The following ST14 variants were observed in gnomAD, a reference collection of about 807,000 sequenced individuals.
ST14 encodes the protein suppressor of tumorigenicity 14 protein.
Under a neutral mutation model 96.5 loss-of-function variants are expected in ST14, and 40 were observed. That is an observed-to-expected ratio of 0.41 (90% confidence interval 0.32 to 0.54). The LOEUF is 0.54. Ranked by LOEUF, ST14 falls within the 20% of genes least tolerant of loss-of-function variation. The probability of loss-of-function intolerance (pLI) is 0.17; values close to 1 mark genes in which losing one functional copy is unlikely to be tolerated. For missense variants in ST14, 1,066 were observed against 1,188.9 expected, an observed-to-expected ratio of 0.90 and a Z score of 1.52; for synonymous variants, 506 against 492.1, an observed-to-expected ratio of 1.03 and a Z score of -0.37.
At chr11:130,193,562 C>T (rs1367997611) in intron 7 of ST14, among the ~76,000 whole-genome samples, 6 of 151,966 alleles carry the variant, frequency 3.9e-5, no homozygotes, top group African/African-American at 9.7e-5. Context: ...CTCCGCCTCC[C>T]GGGTTCCGGT....
chr11:130,192,132 C>T (rs922811821), intron 7 of ST14, among the ~76,000 whole-genome samples: 6 of 152,216 alleles, frequency 3.9e-5, no homozygotes, highest in African/African-American at 7.2e-5. Flanking sequence ...CTCCTGCACT[C>T]GCTGGGCCAG....
Position 130,209,929 on chromosome 11 carries a change from C to G in ST14, c.*106C>G. On this transcript the variant is annotated 3_prime_UTR_variant, in exon 19 of 19. Coordinates refer to ENST00000278742, the MANE Select transcript of ST14 (RefSeq NM_021978.4). ...GGACCGCTGACTGCACCAGCGCCCC[C>G]AGAACATACACTGTGAACTCAATCT... 5 of 1,364,482 alleles carry G rather than the reference C, an allele frequency of 3.7e-6. No individual in the cohort carries two copies. The South Asian group carries it at 3.7e-5, about 10-fold the overall frequency. The allele number at this position is 1,364,482 out of a possible 1,614,324, so 84.5% of individuals were successfully genotyped here. A position where few individuals can be genotyped will look rare whatever the true frequency, so the allele number is the denominator to read the frequency against.
chr11:130,191,657 T>C (rs953920647), intron 7 of ST14, among the ~76,000 whole-genome samples: 5 of 127,688 alleles, frequency 3.9e-5, no homozygotes, highest in African/African-American at 1.6e-4. Flanking sequence ...ACCACTACAC[T>C]CCAGCCTGGG....
chr11:130,194,807 T>G (rs1358199842), intron 9 of ST14, 70 bp downstream of exon 9: 1 of 1,434,476 alleles, frequency 7.0e-7, no homozygotes, highest in Admixed American at 1.7e-5. Flanking sequence ...TGTCTCCCTG[T>G]GCAGATGTGT....
In ST14 at chr11:130,194,715, T is replaced by C; in HGVS notation, c.1091T>C (p.Ile364Thr). ...TACCCAGGCCACTACCCACCCAACA[T>C]TGACTGCACATGGAACATTGAGGTA... ...PYYPGHYPPN[I>T]DCTWNIEVPN... The change falls in exon 9 of 19, where the codon ATT (isoleucine) becomes ACT (threonine). Residue 364 changes from isoleucine (I) to threonine (T), a missense_variant. By Grantham distance (89) the Ile-to-Thr change is moderately conservative. Coordinates refer to ENST00000278742, the MANE Select transcript of ST14 (RefSeq NM_021978.4). 2 of 1,614,072 alleles carry C rather than the reference T, an allele frequency of 1.2e-6. No individual in the cohort carries two copies. Among genetic ancestry groups the C allele is most frequent in the South Asian group, 1.1e-5 (1 of 91,068 alleles).
chr11:130,190,782 TA>T, intron 7 of ST14, 88 bp downstream of exon 7: 1 of 1,453,490 alleles, frequency 6.9e-7, no homozygotes, highest in East Asian at 2.5e-5. Flanking sequence ...GGATACAGTT[TA>T]TGACTCTTGG....
intron 16 of ST14, among the ~76,000 whole-genome samples, chr11:130,203,899 C>T (rs1216369083): frequency 6.6e-6 from 1 of 152,226 alleles, no homozygotes; most frequent in Non-Finnish European, 1.5e-5. Flanking sequence ...GGTGATCTGC[C>T]TGCCTTGGCC....
At chr11:130,190,937 AGCCTGTGCG>A (rs1953291494) in intron 7 of ST14, among the ~76,000 whole-genome samples, 1 of 152,256 alleles carries the variant, frequency 6.6e-6, no homozygotes, top group African/African-American at 2.4e-5. Context: ...TACCAAATCC[AGCCTGTGCG>A]GCCTGTGCCC....
chr11:130,199,436 A>G (rs1953405161), intron 15 of ST14, among the ~76,000 whole-genome samples: 1 of 152,180 alleles, frequency 6.6e-6, no homozygotes, highest in Non-Finnish European at 1.5e-5. Flanking sequence ...CTGCCTGCCC[A>G]TACTTTAATC....
At chr11:130,182,611 T>C (rs1953203256) in intron 1 of ST14, among the ~76,000 whole-genome samples, 1 of 151,512 alleles carries the variant, frequency 6.6e-6, no homozygotes, top group Non-Finnish European at 1.5e-5. Flanking sequence ...CCTTTCACAG[T>C]GCAAGTGTGA....
At chr11:130,170,546 G>A (rs774334430) in intron 1 of ST14, among the ~76,000 whole-genome samples, 10 of 152,060 alleles carry the variant, frequency 6.6e-5, no homozygotes, top group African/African-American at 2.2e-4. Flanking sequence ...TTGTGGTCCC[G>A]GGAGGATTCC....
intron 16 of ST14, among the ~76,000 whole-genome samples, chr11:130,201,945 C>G (rs1953433151): frequency 6.6e-6 from 1 of 152,188 alleles, no homozygotes; most frequent in South Asian, 2.1e-4. Context: ...TTTTTTGAGC[C>G]ATGTCCTTGC....
Position 130,199,291 on chromosome 11 carries a change from A to G in ST14, c.1807+222A>G, listed in dbSNP as rs60193848. Among the ~76,000 whole-genome samples, 15,340 of 152,282 alleles carry G rather than the reference A, an allele frequency of 0.1. 883 individuals are homozygous for G. The highest frequency in any genetic ancestry group is 0.15 in the Middle Eastern group (44 of 294). ...TTGGAGAAAGGCCCGTACGGCCAGC[A>G]TCTCAGCGCCTCTGTAGCATGGCGG... On this transcript the variant is annotated intron_variant, in intron 15 of 18. Coordinates refer to ENST00000278742, the MANE Select transcript of ST14 (RefSeq NM_021978.4).
In ST14 at chr11:130,188,951, G is replaced by A; in HGVS notation, c.440+12G>A. ...GTGACGGCCTTCAGGTGGGTGTGGA[G>A]AGAAGGCTCAGTGGGATGCACCCCA... On this transcript the variant is annotated intron_variant, in intron 4 of 18. Transcript: ENST00000278742. The surrounding 1 kb of genome is among the most constrained non-coding windows in gnomAD (Gnocchi z 5.4). 5.0e-6 allele frequency: 8 copies of A among 1,606,334 alleles called. No homozygotes were observed. Among genetic ancestry groups the A allele is most frequent in the Non-Finnish European group, 6.8e-6 (8 of 1,176,930 alleles).
At position 130,188,401 on chromosome 11, in the gene ST14, G is replaced by T; in HGVS notation, c.241+128G>T. The T allele has an allele frequency of 6.3e-7, 1 of 1,586,444 alleles. No homozygotes were observed. The highest frequency in any genetic ancestry group is 1.1e-5 in the South Asian group (1 of 88,870). On this transcript the variant is annotated intron_variant, in intron 2 of 18. Coordinates refer to ENST00000278742, the MANE Select transcript of ST14 (RefSeq NM_021978.4). This position sits in a 1 kb window ranked among gnomAD's most constrained non-coding sequence, Gnocchi z 5.4. Reference sequence around the variant, plus strand: ...TCTTGGCCTCTCTGGAACCCTGATGGGGAGTGATGGGAAGCAGTCAGGGCT... The same window carrying T: ...TCTTGGCCTCTCTGGAACCCTGATGTGGAGTGATGGGAAGCAGTCAGGGCT...
intron 1 of ST14, among the ~76,000 whole-genome samples, chr11:130,177,171 T>C (rs1203148839): frequency 6.6e-6 from 1 of 152,030 alleles, no homozygotes; most frequent in Non-Finnish European, 1.5e-5. Context: ...CTTTCTGACT[T>C]CCAACTCTAT....
In ST14 at chr11:130,190,758, T is replaced by A. The variant is rs1477433394; in HGVS notation, c.875+64T>A. On this transcript the variant is annotated intron_variant, in intron 7 of 18. Coordinates refer to ENST00000278742, the MANE Select transcript of ST14 (RefSeq NM_021978.4). ...GGCGGCTGCCCTGTAGGGGGCCAGC[T>A]TCTTCAACGATTGGGATACAGTTTA... 1.1e-5 allele frequency: 16 copies of A among 1,497,440 alleles called. No homozygotes were observed. In the African/African-American group the frequency reaches 2.2e-4, roughly 21 times the overall value. 92.8% of individuals were successfully genotyped at this position (1,497,440 alleles called of 1,614,324 possible).
chr11:130,180,763 G>A (rs1304455215), intron 1 of ST14, among the ~76,000 whole-genome samples: 1 of 152,210 alleles, frequency 6.6e-6, no homozygotes, highest in African/African-American at 2.4e-5. Flanking sequence ...GGAGTAGGCT[G>A]GCTGCAAGAA....
chr11:130,178,675 C>T (rs184530050), intron 1 of ST14, among the ~76,000 whole-genome samples: 3 of 152,264 alleles, frequency 2.0e-5, no homozygotes, highest in East Asian at 1.9e-4. Flanking sequence ...AGTTCTTGGC[C>T]GTGGGTCAGC....
Sources: allele counts gnomAD v4.1 joint callset (sites outside exome capture counted in the v4.1 genomes callset), GRCh38; gene constraint gnomAD v4.1.1; non-coding constraint Gnocchi (gnomAD v3.1); transcripts MANE v1.5; gene names NCBI Gene and HGNC (gene_info 2026-07-23, HGNC 2026-07-21).